The following CTDP1 variants were observed in gnomAD, a reference collection of about 807,000 sequenced individuals.
CTDP1 encodes RNA polymerase II subunit A C-terminal domain phosphatase.
A neutral mutation model predicts 91.8 loss-of-function variants in CTDP1; 47 were observed. The ratio of observed to expected loss-of-function variants is 0.51; its 90% CI spans 0.41 to 0.65. The LOEUF (loss-of-function observed/expected upper bound fraction) is 0.65, where lower values mean the gene tolerates loss of function less well. CTDP1 is among the 30% of genes least tolerant of loss of function. CTDP1 has a pLI of 0.00. For missense variants in CTDP1, 1,272 were observed against 1,373.7 expected, an observed-to-expected ratio of 0.93 and a Z score of 1.17; for synonymous variants, 656 against 598.5, an observed-to-expected ratio of 1.10 and a Z score of -1.40.
At position 79,680,011 on chromosome 18, in the gene CTDP1, G is replaced by A; in HGVS notation, c.64G>A (p.Val22Met). Residue 22 changes from valine to methionine, a missense_variant, in exon 1 of 13, where the codon GTG (valine) becomes ATG (methionine). By Grantham distance (21) the Val-to-Met change is conservative (BLOSUM62 1). Coordinates refer to ENST00000613122, the MANE Select transcript of CTDP1 (RefSeq NM_004715.5). Reference sequence around the variant, plus strand: ...CGCCCCGACGGCGGCTGTGGCCGAGGTGCGCTGCCCGGGGCCCGCGCCGCT... The same window carrying A: ...CGCCCCGACGGCGGCTGTGGCCGAGATGCGCTGCCCGGGGCCCGCGCCGCT... ...EGAPTAAVAEVRCPGPAPLRL... is the reference protein window; with the variant it reads ...EGAPTAAVAEMRCPGPAPLRL... The A allele has an allele frequency of 1.5e-6, 2 of 1,307,890 alleles. No individual in the cohort carries two copies. The highest frequency in any genetic ancestry group is 1.9e-6 in the Non-Finnish European group (2 of 1,029,660). 81.0% of individuals were successfully genotyped at this position (1,307,890 alleles called of 1,614,324 possible). A position where few individuals can be genotyped will look rare whatever the true frequency, so the allele number is the denominator to read the frequency against.
intron 2 of CTDP1, 152 bp from the exon 3 acceptor site, chr18:79,695,825 T>G: frequency 4.2e-6 from 3 of 718,650 alleles, no homozygotes; most frequent in Non-Finnish European, 5.0e-6. Context: ...CTGTGGAGAA[T>G]GTTTCCACGT....
At chr18:79,748,596 G>A (rs2086927519) in intron 12 of CTDP1, among the ~76,000 whole-genome samples, 1 of 152,214 alleles carries the variant, frequency 6.6e-6, no homozygotes, top group African/African-American at 2.4e-5. Context: ...GGATGGTGGC[G>A]CCTGCCCGCA....
chr18:79,744,740 A>G (rs1296322287), intron 12 of CTDP1, among the ~76,000 whole-genome samples: 1 of 152,226 alleles, frequency 6.6e-6, no homozygotes, highest in Admixed American at 6.5e-5. Context: ...GCAGAAACTG[A>G]CAAGCAAAGG....
At chr18:79,718,649 A>G (rs766221138) in intron 10 of CTDP1, among the ~76,000 whole-genome samples, 1 of 152,082 alleles carries the variant, frequency 6.6e-6, no homozygotes, top group Non-Finnish European at 1.5e-5. Flanking sequence ...CCCTCAGCCT[A>G]AGGTTGTGGC....
At chr18:79,687,179 C>G (rs1213751933) in intron 1 of CTDP1, among the ~76,000 whole-genome samples, 6 of 131,524 alleles carry the variant, frequency 4.6e-5, no homozygotes, top group Non-Finnish European at 9.7e-5. Context: ...TTCGTCAGTT[C>G]ACTGGTGGGC....
intron 4 of CTDP1, among the ~76,000 whole-genome samples, chr18:79,699,044 G>A (rs541582042): frequency 6.6e-6 from 1 of 152,318 alleles, no homozygotes; most frequent in African/African-American, 2.4e-5. Context: ...GCTGTTTGCA[G>A]AATGGAGAGA....
intron 12 of CTDP1, among the ~76,000 whole-genome samples, chr18:79,743,039 G>A (rs776605715): frequency 7.2e-5 from 11 of 152,230 alleles, no homozygotes; most frequent in Admixed American, 1.3e-4. Context: ...CAGTAGCCGC[G>A]CCGAGGAGGG....
At chr18:79,735,331 G>T (rs932841509) in intron 11 of CTDP1, among the ~76,000 whole-genome samples, 1 of 152,212 alleles carries the variant, frequency 6.6e-6, no homozygotes, top group Admixed American at 6.5e-5. Flanking sequence ...CTGTGGTCAG[G>T]CCGCCCCGCC....
chr18:79,679,084 C>T (rs186002264), upstream of CTDP1: 31 of 289,422 alleles, frequency 1.1e-4, no homozygotes, highest in African/African-American at 5.4e-4. Flanking sequence ...CGCCTGGGGC[C>T]ACTGAGACCA....
At chr18:79,679,710 C>G (rs1220454620), upstream of CTDP1, 2 of 512,766 alleles carry the variant, frequency 3.9e-6, no homozygotes, top group East Asian at 8.3e-5. Context: ...GGTCCCAGGA[C>G]GGAGCCGGCT....
At chr18:79,746,298 TGCGTCCCTCCCGTGCGCGTTCTGTCCCC>T (rs2086879096) in intron 12 of CTDP1, among the ~76,000 whole-genome samples, 5 of 23,728 alleles carry the variant, frequency 2.1e-4, no homozygotes, top group African/African-American at 4.0e-4. Flanking sequence ...GTTCTGTCCC[TGCGTCCCTCCCGTGCGCGTTCTGTCCCC>T]GCGTCCCTCC....
At chr18:79,703,544 C>T (rs2085901827) in intron 4 of CTDP1, 1 of 152,202 alleles carries the variant, frequency 6.6e-6, no homozygotes, top group African/African-American at 2.4e-5. Flanking sequence ...TGAAAATCAC[C>T]CATGCGTTAT....
intron 10 of CTDP1, among the ~76,000 whole-genome samples, chr18:79,720,586 C>G (rs1047176461): frequency 6.6e-6 from 1 of 152,144 alleles, no homozygotes; most frequent in East Asian, 1.9e-4. Flanking sequence ...GGTGATGTCA[C>G]TTCCCATCGT....
rs11306504 is a variant in CTDP1 at position 79,710,686 on chromosome 18, A to ATTTTTTTTTTT, written c.863+272_863+282dup. Reference sequence around the variant, plus strand: ...CAGGCACCCACCACCTCGCCCGGCAATTTTTTTTTTTTTTTTTTTTTTTTT... The same window carrying ATTTTTTTTTTT: ...CAGGCACCCACCACCTCGCCCGGCAATTTTTTTTTTTTTTTTTTTTTTTTTTTTTTTTTTTT... On this transcript the variant is annotated intron_variant, in intron 6 of 12. Coordinates refer to ENST00000613122, the MANE Select transcript of CTDP1 (RefSeq NM_004715.5). 9.0e-5 allele frequency among the ~76,000 whole-genome samples: 8 copies of ATTTTTTTTTTT among 88,504 alleles called. No individual in the cohort carries two copies. In the East Asian group the frequency reaches 1.0e-3, roughly 11 times the overall value. 58.1% of individuals were successfully genotyped at this position (88,504 alleles called of 152,430 possible). A position where few individuals can be genotyped will look rare whatever the true frequency, so the allele number is the denominator to read the frequency against.
At chr18:79,708,209 C>G (rs1461729495) in intron 5 of CTDP1, among the ~76,000 whole-genome samples, 1 of 152,206 alleles carries the variant, frequency 6.6e-6, no homozygotes, top group Non-Finnish European at 1.5e-5. Context: ...TCTTACGGAT[C>G]CCACAGTGCA....
chr18:79,744,782 C>T (rs952937052), intron 12 of CTDP1, among the ~76,000 whole-genome samples: 6 of 152,174 alleles, frequency 3.9e-5, no homozygotes, highest in Admixed American at 1.3e-4. Context: ...CTTGGAGGTT[C>T]CCCCGCCACT....
chr18:79,725,298 G>A (rs527726791), intron 10 of CTDP1, among the ~76,000 whole-genome samples: 26 of 152,268 alleles, frequency 1.7e-4, no homozygotes, highest in African/African-American at 5.3e-4. Context: ...GGTGGGAAGC[G>A]CCCCACCCTC....
In CTDP1 at chr18:79,753,826, C is replaced by A. The variant is rs1250923147; in HGVS notation, c.*36C>A. ...CGGGCAGGGACTGAAGCCTGACCGA[C>A]CTCCAGCAGCACTCGGACGTCCCCG... On this transcript the variant is annotated 3_prime_UTR_variant, in exon 13 of 13. Transcript: ENST00000613122. The A allele has an allele frequency of 6.2e-7, 1 of 1,606,894 alleles. No individual in the cohort carries two copies. The highest frequency in any genetic ancestry group is 8.5e-7 in the Non-Finnish European group (1 of 1,177,656).
intron 12 of CTDP1, among the ~76,000 whole-genome samples, chr18:79,744,840 A>G (rs1006621222): frequency 6.6e-6 from 1 of 152,206 alleles, no homozygotes; most frequent in Non-Finnish European, 1.5e-5. Context: ...GAGGGGCCAC[A>G]GACCAGTCCT....
Sources: allele counts gnomAD v4.1 joint callset (sites outside exome capture counted in the v4.1 genomes callset), GRCh38; gene constraint gnomAD v4.1.1; transcripts MANE v1.5; gene names NCBI Gene and HGNC (gene_info 2026-07-23, HGNC 2026-07-21).